The following MAGI1 variants were observed in gnomAD, a reference collection of about 807,000 sequenced individuals.
The protein encoded by MAGI1 is membrane associated guanylate kinase, WW and PDZ domain containing 1.
MAGI1 carries 58 observed loss-of-function variants against 139.9 expected under a neutral mutation model. That is an observed-to-expected ratio of 0.41 (90% confidence interval 0.34 to 0.52). The LOEUF is 0.52. MAGI1 is among the 20% of genes least tolerant of loss of function. MAGI1 has a pLI of 0.12. For synonymous variants in MAGI1, 812 were observed against 737.9 expected (o/e 1.10, Z -1.63); for missense variants, 1,874 against 1,901.6 (o/e 0.99, Z 0.27).
At chr3:65,529,786 T>C (rs374308803) in intron 2 of MAGI1, among the ~76,000 whole-genome samples, 2 of 152,158 alleles carry the variant, frequency 1.3e-5, no homozygotes, top group South Asian at 4.1e-4. Flanking sequence ...GATACAGACA[T>C]AACACACATA....
chr3:65,427,323 T>TA (rs1171504695), intron 12 of MAGI1, among the ~76,000 whole-genome samples: 4 of 152,018 alleles, frequency 2.6e-5, no homozygotes, highest in South Asian at 2.1e-4. Context: ...AAAATAAAAA[T>TA]AAAAAATAAA....
At chr3:65,842,262 G>A (rs4688607) in intron 1 of MAGI1, among the ~76,000 whole-genome samples, 71,421 of 151,982 alleles carry the variant, frequency 0.47, 18,282 homozygotes, top group East Asian at 0.77. Flanking sequence ...TCCAGTTAGG[G>A]AGGAGGTGTA....
chr3:65,564,851 A>G (rs1236290458), intron 2 of MAGI1, among the ~76,000 whole-genome samples: 3 of 152,222 alleles, frequency 2.0e-5, no homozygotes, highest in Non-Finnish European at 4.4e-5. Flanking sequence ...CATACTGCCA[A>G]CCAGCTCATC....
chr3:65,448,752 A>G (rs987083825), intron 6 of MAGI1, among the ~76,000 whole-genome samples: 7 of 151,952 alleles, frequency 4.6e-5, no homozygotes, highest in Non-Finnish European at 8.8e-5. Flanking sequence ...GGAGCTCAGA[A>G]ATATTAGAAT....
At chr3:66,003,789 G>C (rs558985911) in intron 1 of MAGI1, 18 of 152,176 alleles carry the variant, frequency 1.2e-4, no homozygotes, top group African/African-American at 3.9e-4. Flanking sequence ...GTTTTTAAGG[G>C]TAACTTGGTA....
chr3:65,671,173 G>A (rs2086834990), intron 1 of MAGI1, among the ~76,000 whole-genome samples: 2 of 152,188 alleles, frequency 1.3e-5, no homozygotes, highest in Admixed American at 1.3e-4. Flanking sequence ...GACTGATTAT[G>A]TTGCCTAGTA....
chr3:65,546,936 C>T (rs778847750), intron 2 of MAGI1, among the ~76,000 whole-genome samples: 4 of 152,018 alleles, frequency 2.6e-5, no homozygotes, highest in African/African-American at 4.8e-5. Flanking sequence ...TGTGTATAGA[C>T]GTGTATATAT....
intron 1 of MAGI1, among the ~76,000 whole-genome samples, chr3:65,774,438 G>T (rs540856193): frequency 5.9e-5 from 9 of 152,272 alleles, no homozygotes; most frequent in African/African-American, 2.2e-4. Flanking sequence ...TGAAGTCCAT[G>T]TTTGTTATAT....
chr3:65,702,515 T>TG (rs2089684320), intron 1 of MAGI1, among the ~76,000 whole-genome samples: 1 of 152,156 alleles, frequency 6.6e-6, no homozygotes. Flanking sequence ...TAACTAGTCT[T>TG]GCTAGCCTCT....
intron 1 of MAGI1, among the ~76,000 whole-genome samples, chr3:65,697,338 A>G (rs1192133252): frequency 6.6e-6 from 1 of 150,696 alleles, no homozygotes; most frequent in Non-Finnish European, 1.5e-5. Context: ...TATTCCAATC[A>G]ATAGAAAAAG....
intron 1 of MAGI1, among the ~76,000 whole-genome samples, chr3:65,740,714 C>G (rs1164976943): frequency 6.6e-6 from 1 of 152,138 alleles, no homozygotes; most frequent in Non-Finnish European, 1.5e-5. Flanking sequence ...TTCAGGAAAC[C>G]TCTATCTCTA....
At position 65,373,806 on chromosome 3, in the gene MAGI1, A is replaced by G. The variant is rs542050575; in HGVS notation, c.3196+1939T>C. Among the ~76,000 whole-genome samples the G allele has an allele frequency of 1.8e-4, 27 of 152,260 alleles. 1 individual carries two copies. In the South Asian group the frequency reaches 5.6e-3, roughly 32 times the overall value. On this transcript the variant is annotated intron_variant, in intron 18 of 22. Transcript: ENST00000402939. ...TGGTAAGTGACTAACCATGCATTTG[A>G]AGGAGGGTCAAGTAGATCATCATTC...
At chr3:65,466,663 C>T (rs1950194027) in intron 5 of MAGI1, among the ~76,000 whole-genome samples, 1 of 152,188 alleles carries the variant, frequency 6.6e-6, no homozygotes, top group Admixed American at 6.5e-5. Flanking sequence ...TCCTCTGACA[C>T]CACACCAGTG....
At chr3:65,455,746 T>C (rs1032770303) in intron 5 of MAGI1, among the ~76,000 whole-genome samples, 2 of 152,028 alleles carry the variant, frequency 1.3e-5, no homozygotes, top group Admixed American at 6.6e-5. Flanking sequence ...CAAAATAAAA[T>C]AAAAATAAAA....
chr3:65,468,979 A>AAATAAATAAATG (rs1950375323), intron 5 of MAGI1, among the ~76,000 whole-genome samples: 1 of 151,152 alleles, frequency 6.6e-6, no homozygotes, highest in African/African-American at 2.4e-5. Flanking sequence ...ATAAATAAAT[A>AAATAAATAAATG]AATAAATAAA....
At chr3:65,902,678 G>C (rs546673839) in intron 1 of MAGI1, 1 of 152,678 alleles carries the variant, frequency 6.5e-6, no homozygotes, top group South Asian at 2.1e-4. Flanking sequence ...TGAACGGGGC[G>C]GATCCTGCCA....
chr3:65,580,214 C>T (rs191087118), intron 2 of MAGI1, among the ~76,000 whole-genome samples: 33 of 152,274 alleles, frequency 2.2e-4, no homozygotes, highest in Admixed American at 1.6e-3. Flanking sequence ...TTAGCACTTT[C>T]CAGAATGTAT....
intron 2 of MAGI1, among the ~76,000 whole-genome samples, chr3:65,611,484 C>T (rs1425998873): frequency 2.1e-5 from 3 of 143,214 alleles, no homozygotes; most frequent in African/African-American, 7.7e-5. Flanking sequence ...TACATACACA[C>T]ATGTATACAC....
chr3:65,568,636 T>C (rs1215865289), intron 2 of MAGI1, among the ~76,000 whole-genome samples: 2 of 152,228 alleles, frequency 1.3e-5, no homozygotes, highest in Admixed American at 1.3e-4. Context: ...TAGCGCCTGC[T>C]CTGGGCAAAA....
Sources: allele counts gnomAD v4.1 joint callset (sites outside exome capture counted in the v4.1 genomes callset), GRCh38; gene constraint gnomAD v4.1.1; transcripts MANE v1.5; gene names NCBI Gene and HGNC (gene_info 2026-07-23, HGNC 2026-07-21).